The following HCN1 variants were observed in gnomAD, a reference collection of about 807,000 sequenced individuals.
HCN1 encodes hyperpolarization activated cyclic nucleotide gated potassium channel 1.
HCN1 carries 13 observed loss-of-function variants against 78.9 expected under a neutral mutation model. The observed-to-expected ratio is 0.16, with a 90% CI of 0.11 to 0.26. The LOEUF is 0.26. Among genes scored for constraint, HCN1 ranks in the 10% least tolerant of loss-of-function variants. The probability of loss-of-function intolerance (pLI) is 1.00; values close to 1 mark genes in which losing one functional copy is unlikely to be tolerated. For synonymous variants in HCN1, 552 were observed against 455.5 expected, an observed-to-expected ratio of 1.21 and a Z score of -2.70; for missense variants, 810 against 1,154.3, an observed-to-expected ratio of 0.70 and a Z score of 4.32.
At chr5:45,618,394 G>T (rs1744995776) in intron 2 of HCN1, among the ~76,000 whole-genome samples, 1 of 152,056 alleles carries the variant, frequency 6.6e-6, no homozygotes. Context: ...TAGTGATTGT[G>T]GGAACAAAGA....
At chr5:45,331,844 CCAT>C (rs1162605276) in intron 5 of HCN1, among the ~76,000 whole-genome samples, 5 of 151,430 alleles carry the variant, frequency 3.3e-5, no homozygotes, top group African/African-American at 1.2e-4. Context: ...ACTGTCACCA[CCAT>C]CATCATCAGT....
chr5:45,301,641 G>A (rs990028808), intron 6 of HCN1, among the ~76,000 whole-genome samples: 1 of 150,368 alleles, frequency 6.7e-6, no homozygotes, highest in Non-Finnish European at 1.5e-5. Context: ...AGAATCACTT[G>A]AGCCTGCAGA....
At chr5:45,587,879 C>T (rs909056559) in intron 2 of HCN1, among the ~76,000 whole-genome samples, 8 of 151,956 alleles carry the variant, frequency 5.3e-5, no homozygotes, top group Non-Finnish European at 2.9e-5. Context: ...TGAGCTTTCC[C>T]AAGTAGGATT....
chr5:45,316,051 C>A (rs1422664594), intron 5 of HCN1, among the ~76,000 whole-genome samples: 1 of 152,164 alleles, frequency 6.6e-6, no homozygotes, highest in Non-Finnish European at 1.5e-5. Flanking sequence ...GGGAATCCTA[C>A]CTAACTCATT....
chr5:45,432,260 A>G (rs1236396130), intron 3 of HCN1, among the ~76,000 whole-genome samples: 2 of 152,078 alleles, frequency 1.3e-5, no homozygotes, highest in Non-Finnish European at 2.9e-5. Context: ...TAGGAATGAT[A>G]TTAATTTTTG....
At chr5:45,262,940 A>T (rs1744779470) in intron 7 of HCN1, 130 bp from the exon 8 acceptor site, 1 of 866,938 alleles carries the variant, frequency 1.2e-6, no homozygotes, top group African/African-American at 1.7e-5. Flanking sequence ...CCAGTCACTC[A>T]CCTTTACACA....
chr5:45,319,706 T>C (rs1183805836), intron 5 of HCN1, among the ~76,000 whole-genome samples: 2 of 151,754 alleles, frequency 1.3e-5, no homozygotes, highest in African/African-American at 4.8e-5. Flanking sequence ...GTTTTTTTTT[T>C]AGCTTTAGAA....
chr5:45,685,666 C>T (rs1394997311), intron 1 of HCN1, among the ~76,000 whole-genome samples: 2 of 151,894 alleles, frequency 1.3e-5, no homozygotes, highest in East Asian at 1.9e-4. Context: ...GAGCCAACAT[C>T]GTGCCATTGC....
chr5:45,671,367 G>T (rs1437355212), intron 1 of HCN1, among the ~76,000 whole-genome samples: 2 of 151,152 alleles, frequency 1.3e-5, no homozygotes, highest in Non-Finnish European at 3.0e-5. Context: ...GTATGCATTA[G>T]ATTATCTGCT....
chr5:45,457,875 T>G (rs953045786), intron 3 of HCN1, among the ~76,000 whole-genome samples: 4 of 152,172 alleles, frequency 2.6e-5, no homozygotes, highest in African/African-American at 9.7e-5. Flanking sequence ...GTCTGCTCTT[T>G]ATGTAATCAC....
chr5:45,439,074 T>C (rs1005164268), intron 3 of HCN1, among the ~76,000 whole-genome samples: 3 of 152,140 alleles, frequency 2.0e-5, no homozygotes, highest in African/African-American at 4.8e-5. Flanking sequence ...AAAAATATAT[T>C]CCAAGGGATG....
intron 2 of HCN1, chr5:45,576,493 T>C (rs1339407592): frequency 6.6e-6 from 1 of 152,030 alleles, no homozygotes; most frequent in Non-Finnish European, 1.5e-5. Flanking sequence ...TGTTGTCCTA[T>C]TCTAACAAAT....
chr5:45,656,974 A>G (rs1054734575), intron 1 of HCN1, among the ~76,000 whole-genome samples: 1 of 152,030 alleles, frequency 6.6e-6, no homozygotes, highest in African/African-American at 2.4e-5. Context: ...ATTTGATATT[A>G]TACTGCATTG....
intron 2 of HCN1, among the ~76,000 whole-genome samples, chr5:45,470,646 T>C (rs1741372440): frequency 6.6e-6 from 1 of 151,968 alleles, no homozygotes; most frequent in African/African-American, 2.4e-5. Context: ...GTCGAAAGTT[T>C]ATTGAAGTAA....
At chr5:45,301,284 T>C (rs1474726945) in intron 6 of HCN1, among the ~76,000 whole-genome samples, 1 of 144,244 alleles carries the variant, frequency 6.9e-6, no homozygotes, top group Non-Finnish European at 1.5e-5. Flanking sequence ...ATATTTCATA[T>C]TATACTCACA....
chr5:45,363,914 C>A (rs1747177340), intron 4 of HCN1, among the ~76,000 whole-genome samples: 1 of 151,952 alleles, frequency 6.6e-6, no homozygotes, highest in African/African-American at 2.4e-5. Flanking sequence ...TTATCAGCAG[C>A]GTAAAAATGG....
At chr5:45,376,189 T>G (rs1251045103) in intron 4 of HCN1, among the ~76,000 whole-genome samples, 1 of 117,066 alleles carries the variant, frequency 8.5e-6, no homozygotes, top group Non-Finnish European at 1.6e-5. Context: ...TTACATATAA[T>G]ATATATAACA....
At chr5:45,554,936 T>C (rs766236991) in intron 2 of HCN1, among the ~76,000 whole-genome samples, 1 of 151,790 alleles carries the variant, frequency 6.6e-6, no homozygotes, top group Non-Finnish European at 1.5e-5. Context: ...AAAATGTAAA[T>C]AAGAGATTTC....
At chr5:45,496,368 G>T (rs1317233421) in intron 2 of HCN1, among the ~76,000 whole-genome samples, 3 of 151,406 alleles carry the variant, frequency 2.0e-5, no homozygotes, top group Non-Finnish European at 4.4e-5. Flanking sequence ...ATTTCTTCTA[G>T]ATTTTCTAGT....
Sources: allele counts gnomAD v4.1 joint callset (sites outside exome capture counted in the v4.1 genomes callset), GRCh38; gene constraint gnomAD v4.1.1; transcripts MANE v1.5; gene names NCBI Gene and HGNC (gene_info 2026-07-23, HGNC 2026-07-21).